The following ITGAD variants were observed in gnomAD, a reference collection of about 807,000 sequenced individuals.
The protein encoded by ITGAD is integrin alpha-D.
In ITGAD, 105 loss-of-function variants were observed where a neutral mutation model predicts 139.0. The ratio of observed to expected loss-of-function variants is 0.76; its 90% confidence interval spans 0.65 to 0.89. The LOEUF (loss-of-function observed/expected upper bound fraction) is 0.89, where lower values mean the gene tolerates loss of function less well. Among genes scored for constraint, ITGAD ranks in the 40% least tolerant of loss-of-function variants. ITGAD has a pLI of 0.00. For missense variants in ITGAD, 1,384 were observed against 1,487.3 expected (o/e 0.93, Z 1.14); for synonymous variants, 569 against 598.3 (o/e 0.95, Z 0.71).
intron 2 of ITGAD, among the ~76,000 whole-genome samples, chr16:31,395,931 C>A (rs550758241): frequency 6.6e-6 from 1 of 152,206 alleles, no homozygotes; most frequent in African/African-American, 2.4e-5. Flanking sequence ...GAAGCAAGCA[C>A]CAGGCACCAG....
intron 25 of ITGAD, 52 bp from the exon 26 acceptor site, chr16:31,423,519 T>G: frequency 6.2e-7 from 1 of 1,604,260 alleles, no homozygotes; most frequent in Non-Finnish European, 8.5e-7. Context: ...CACTCCCTCT[T>G]ACCAGGGACA....
At chr16:31,398,377 AGATTGT>A (rs1405524517) in intron 5 of ITGAD, among the ~76,000 whole-genome samples, 1 of 150,718 alleles carries the variant, frequency 6.6e-6, no homozygotes, top group Non-Finnish European at 1.5e-5. Context: ...CAGTGAGCTG[AGATTGT>A]GCCATTGCAC....
At chr16:31,414,736 G>A in intron 17 of ITGAD, 124 bp from the exon 18 acceptor site, 5 of 1,550,650 alleles carry the variant, frequency 3.2e-6, no homozygotes, top group South Asian at 2.4e-5. Flanking sequence ...ATTAGGGCAG[G>A]AGAACCTGGC....
At chr16:31,424,413 C>A in intron 28 of ITGAD, 54 bp from the exon 29 acceptor site, 3 of 1,469,498 alleles carry the variant, frequency 2.0e-6, no homozygotes, top group East Asian at 2.3e-5. Flanking sequence ...GTTGCGGAAC[C>A]TGGGAGGCAT....
At chr16:31,397,971 C>A in intron 5 of ITGAD, 62 bp downstream of exon 5, 1 of 1,303,872 alleles carries the variant, frequency 7.7e-7, no homozygotes, top group Non-Finnish European at 1.1e-6. Flanking sequence ...GGTGAGCAGG[C>A]GTGAGGCCTG....
At chr16:31,425,803 C>T (rs2082103589) in intron 29 of ITGAD, among the ~76,000 whole-genome samples, 1 of 151,930 alleles carries the variant, frequency 6.6e-6, no homozygotes, top group African/African-American at 2.4e-5. Context: ...TTGCCTCAGC[C>T]TCCTGAGTAG....
chr16:31,415,016 G>A, intron 18 of ITGAD, 25 bp downstream of exon 18: 1 of 1,612,912 alleles, frequency 6.2e-7, no homozygotes, highest in Non-Finnish European at 8.5e-7. Context: ...GAAGTCCCAG[G>A]GATGTGCTGA....
At position 31,407,795 on chromosome 16, in the gene ITGAD, C is replaced by G; in HGVS notation, c.888C>G (p.Ala296=). 6.2e-7 allele frequency: 1 copy of G among 1,613,984 alleles called. No individual in the cohort carries two copies. Among genetic ancestry groups the G allele is most frequent in the East Asian group, 2.2e-5 (1 of 44,876 alleles). ...GACACGCTTTCCAGGGACCCACTGC[C>G]AGGCAGGAGCTGAATACCATCAGCT... ...GVGHAFQGPT[A]RQELNTISSA... Residue 296 remains alanine (A), a synonymous_variant, in exon 9 of 30, where the codon GCC becomes GCG. Coordinates refer to ENST00000389202, the MANE Select transcript of ITGAD (RefSeq NM_005353.3).
chr16:31,398,022 C>T (rs1287399363), intron 5 of ITGAD, 113 bp downstream of exon 5: 2 of 734,914 alleles, frequency 2.7e-6, no homozygotes, highest in East Asian at 5.4e-5. Flanking sequence ...CCGAGTGTGG[C>T]TAGGAGAGAA....
intron 5 of ITGAD, 99 bp from the exon 6 acceptor site, chr16:31,402,016 G>C (rs2142648976): frequency 1.5e-6 from 2 of 1,365,592 alleles, no homozygotes; most frequent in East Asian, 5.1e-5. Context: ...AAACTAGGTG[G>C]GGATGCCAAG....
chr16:31,403,617 T>C lies in ITGAD; in HGVS notation c.676T>C (p.Phe226Leu). 1 of 1,614,074 alleles carries C rather than the reference T, an allele frequency of 6.2e-7. No individual in the cohort carries two copies. Among genetic ancestry groups the C allele is most frequent in the Non-Finnish European group, 8.5e-7 (1 of 1,180,014 alleles). The part of the protein sequence containing the change: ...DPIVQLKGLT[F>L]TATGILTVVT... ...CATCGTCCAACTGAAAGGCCTGACG[T>C]TCACGGCCACGGGCATCCTGACAGT... The change falls in exon 7 of 30, where the codon TTC becomes CTC. Residue 226 changes from phenylalanine (F) to leucine (L), a missense_variant. Transcript: ENST00000389202. This position sits in a 1 kb window ranked among gnomAD's most constrained non-coding sequence, Gnocchi z 4.4.
rs1183076286 is a variant in ITGAD, at chr16:31,397,448, C to T, written c.227C>T (p.Pro76Leu). Residue 76 changes from proline to leucine, a missense_variant, in exon 3 of 30, where the codon CCC becomes CTC. Transcript: ENST00000389202. ...DCAAATGMCQ[P>L]IPLHIRPEAV... is the part of the protein sequence containing the mutation. ...GCAGCTGCCACCGGCATGTGCCAGC[C>T]CATCCCGCTGCACAGTGAGTGACCA... 1 of 1,596,500 alleles carries T rather than the reference C, an allele frequency of 6.3e-7. No individual in the cohort carries two copies. Among genetic ancestry groups the T allele is most frequent in the Non-Finnish European group, 8.5e-7 (1 of 1,171,676 alleles).
chr16:31,398,674 G>T (rs2081333770), intron 5 of ITGAD, among the ~76,000 whole-genome samples: 1 of 151,816 alleles, frequency 6.6e-6, no homozygotes, highest in African/African-American at 2.4e-5. Context: ...TGTAGAGATG[G>T]GGGTCTTGCT....
intron 20 of ITGAD, 122 bp downstream of exon 20, chr16:31,416,768 C>A: frequency 2.2e-6 from 2 of 891,836 alleles, no homozygotes; most frequent in Non-Finnish European, 3.4e-6. Context: ...CTCTCTCACA[C>A]ACACACACAT....
intron 5 of ITGAD, among the ~76,000 whole-genome samples, chr16:31,401,334 C>T (rs1017685637): frequency 2.0e-5 from 3 of 152,318 alleles, no homozygotes; most frequent in Middle Eastern, 3.4e-3. Context: ...GCCCTTCAGA[C>T]GCTGAACCAG....
At chr16:31,409,386 G>A (rs1049163144) in intron 10 of ITGAD, among the ~76,000 whole-genome samples, 1 of 151,928 alleles carries the variant, frequency 6.6e-6, no homozygotes, top group African/African-American at 2.4e-5. Context: ...AGAGTAATTT[G>A]GGGGTGTCTA....
intron 5 of ITGAD, among the ~76,000 whole-genome samples, chr16:31,398,830 G>A (rs943955284): frequency 5.9e-5 from 9 of 152,084 alleles, no homozygotes; most frequent in Non-Finnish European, 8.8e-5. Context: ...CCCACTGTGC[G>A]GGCTGTAGAG....
Position 31,413,258 on chromosome 16 carries a change from C to T in ITGAD, c.1996+12C>T, listed in dbSNP as rs1415188087. ...ACTGGACCAGCTAGGTGTGTTTCCC[C>T]CATAAAGGGGGCCCAGGCCCCTCAT... On this transcript the variant is annotated intron_variant, in intron 16 of 29. Coordinates refer to ENST00000389202, the MANE Select transcript of ITGAD (RefSeq NM_005353.3). The T allele has an allele frequency of 6.2e-7, 1 of 1,613,322 alleles. No homozygotes were observed. Among genetic ancestry groups the T allele is most frequent in the African/African-American group, 1.3e-5 (1 of 74,850 alleles).
At position 31,410,885 on chromosome 16, in the gene ITGAD, C is replaced by A. The variant is rs199957346; in HGVS notation, c.1356+7C>A. 1.4e-6 allele frequency: 2 copies of A among 1,457,824 alleles called. No individual in the cohort carries two copies. Among genetic ancestry groups the A allele is most frequent in the African/African-American group, 3.1e-5 (2 of 65,078 alleles). The allele number at this position is 1,457,824 out of a possible 1,614,324, so 90.3% of individuals were successfully genotyped here. On this transcript the variant is annotated splice_region_variant and intron_variant, in intron 12 of 29. Transcript: ENST00000389202. ...CGAAGTCACAGGGACGCAGGTTGGG[C>A]GTGACAGGAGCCAGAGGGGAGGATG...
Sources: gnomAD v4.1 joint callset for allele counts (sites outside exome capture counted in the v4.1 genomes callset) on GRCh38, gnomAD v4.1.1 for gene constraint, Gnocchi (gnomAD v3.1) non-coding constraint, MANE v1.5 for transcripts, NCBI Gene and HGNC (gene_info 2026-07-23, HGNC 2026-07-21) for gene names.